Variants in ARHGAP22 observed in about 807,000 individuals in gnomAD.
The protein encoded by ARHGAP22 is rho GTPase-activating protein 22.
A neutral mutation model predicts 59.1 loss-of-function variants in ARHGAP22; 48 were observed. The ratio of observed to expected loss-of-function variants is 0.81; its 90% CI spans 0.64 to 1.03. The LOEUF is 1.03. Ranked by LOEUF, ARHGAP22 falls within the 50% of genes least tolerant of loss-of-function variation. ARHGAP22 has a pLI of 0.00. For missense variants in ARHGAP22, 1,015 were observed against 958.7 expected (o/e 1.06, Z -0.78); for synonymous variants, 445 against 416.4 (o/e 1.07, Z -0.84).
chr10:48,568,677 C>T (rs1353980681), intron 2 of ARHGAP22, among the ~76,000 whole-genome samples: 5 of 152,212 alleles, frequency 3.3e-5, no homozygotes, highest in Admixed American at 1.3e-4. Context: ...TCACCGTCTC[C>T]GCTGCTCTTC....
At chr10:48,466,647 G>C (rs2047732853) in intron 4 of ARHGAP22, 1 of 138,938 alleles carries the variant, frequency 7.2e-6, no homozygotes, top group African/African-American at 2.6e-5. Context: ...TCCCGGAGTA[G>C]GCCCGCGCGG....
intron 1 of ARHGAP22, among the ~76,000 whole-genome samples, chr10:48,642,647 C>T (rs945458609): frequency 6.6e-6 from 1 of 152,124 alleles, no homozygotes; most frequent in African/African-American, 2.4e-5. Flanking sequence ...AGAAGAAAAC[C>T]TAGGCAATAC....
chr10:48,459,560 A>G (rs2046934627), intron 5 of ARHGAP22, 124 bp downstream of exon 5: 8 of 1,111,314 alleles, frequency 7.2e-6, no homozygotes, highest in Middle Eastern at 2.0e-4. Flanking sequence ...TCTGCCCACT[A>G]GGAGGGCTGG....
intron 3 of ARHGAP22, among the ~76,000 whole-genome samples, chr10:48,485,956 G>A (rs549213908): frequency 6.6e-6 from 1 of 152,240 alleles, no homozygotes; most frequent in South Asian, 2.1e-4. Context: ...TATTTATAAT[G>A]TGATTATTGG....
At chr10:48,634,512 C>T (rs987386457) in intron 1 of ARHGAP22, among the ~76,000 whole-genome samples, 2 of 152,172 alleles carry the variant, frequency 1.3e-5, no homozygotes, top group Admixed American at 6.5e-5. Flanking sequence ...TAAGAAGAGC[C>T]GCTGACTCAG....
intron 1 of ARHGAP22, among the ~76,000 whole-genome samples, chr10:48,598,816 G>A (rs1339942615): frequency 6.6e-6 from 1 of 152,134 alleles, no homozygotes; most frequent in African/African-American, 2.4e-5. Context: ...TGCCACCTCT[G>A]GGCCTTAGCA....
chr10:48,597,508 G>A (rs11101396), intron 1 of ARHGAP22, among the ~76,000 whole-genome samples: 17,784 of 152,146 alleles, frequency 0.12, 3,464 homozygotes, highest in African/African-American at 0.4. Flanking sequence ...TCAGGTTTCT[G>A]TCTATAAATG....
At chr10:48,528,317 G>A (rs973336113) in intron 3 of ARHGAP22, among the ~76,000 whole-genome samples, 2 of 152,162 alleles carry the variant, frequency 1.3e-5, no homozygotes, top group African/African-American at 4.8e-5. Context: ...TCAGAGGAAG[G>A]GAATAAATGG....
chr10:48,600,235 T>A (rs989113804), intron 1 of ARHGAP22, among the ~76,000 whole-genome samples: 1 of 152,202 alleles, frequency 6.6e-6, no homozygotes, highest in Non-Finnish European at 1.5e-5. Context: ...GTGGAAGGAC[T>A]GTTTGTGGCC....
At chr10:48,597,011 C>T (rs2060107194) in intron 1 of ARHGAP22, among the ~76,000 whole-genome samples, 1 of 152,196 alleles carries the variant, frequency 6.6e-6, no homozygotes, top group South Asian at 2.1e-4. Context: ...TGAATCCTGA[C>T]TCACTTTTGA....
rs192926994 is a variant in ARHGAP22, at chr10:48,610,816, G to A, written c.53-27664C>T. Reference sequence around the variant, plus strand: ...GGACTTGTGCAGTCATTGGCTTGGAGCCACCCAAGAAGGGAGTGAAGTTGG... The same window carrying A: ...GGACTTGTGCAGTCATTGGCTTGGAACCACCCAAGAAGGGAGTGAAGTTGG... On this transcript the variant is annotated intron_variant, in intron 1 of 9. Transcript: ENST00000435790. Among the ~76,000 whole-genome samples the A allele has an allele frequency of 3.3e-5, 5 of 152,244 alleles. No individual in the cohort carries two copies. In the East Asian group the frequency reaches 9.7e-4, roughly 29 times the overall value.
chr10:48,470,113 G>A lies in ARHGAP22; in HGVS notation c.451+9523C>T, dbSNP rs558103237. 2.0e-5 allele frequency among the ~76,000 whole-genome samples: 3 copies of A among 152,352 alleles called. No homozygotes were observed. The South Asian group carries it at 6.2e-4, about 32-fold the overall frequency. On this transcript the variant is annotated intron_variant, in intron 4 of 9. Coordinates refer to ENST00000249601, the MANE Select transcript of ARHGAP22 (RefSeq NM_021226.4). Reference sequence around the variant, plus strand: ...GTTCATCCCCATCTTATCAATAATGGAGACAAACTCTTTTCTGGTTCTGTG... The same window carrying A: ...GTTCATCCCCATCTTATCAATAATGAAGACAAACTCTTTTCTGGTTCTGTG...
intron 1 of ARHGAP22, among the ~76,000 whole-genome samples, chr10:48,602,965 C>T (rs1454982025): frequency 1.3e-5 from 2 of 152,184 alleles, no homozygotes; most frequent in African/African-American, 4.8e-5. Context: ...CATGTGCACA[C>T]ACATACAGGC....
upstream of ARHGAP22, among the ~76,000 whole-genome samples, chr10:48,605,951 C>G (rs968987322): frequency 2.6e-5 from 4 of 152,208 alleles, no homozygotes; most frequent in Non-Finnish European, 5.9e-5. Context: ...AGCCTCTCCA[C>G]CCTATTCCCA....
chr10:48,640,867 T>C (rs375064680), intron 1 of ARHGAP22, among the ~76,000 whole-genome samples: 8 of 152,292 alleles, frequency 5.3e-5, no homozygotes, highest in African/African-American at 1.9e-4. Flanking sequence ...TTTAAAGACA[T>C]AGTATGTATA....
At chr10:48,561,979 C>A (rs536232645) in intron 2 of ARHGAP22, among the ~76,000 whole-genome samples, 34 of 152,292 alleles carry the variant, frequency 2.2e-4, no homozygotes, top group African/African-American at 7.7e-4. Context: ...GTAATCCCAG[C>A]ACTTTGGGGG....
chr10:48,624,620 T>G (rs2061386102), intron 1 of ARHGAP22, among the ~76,000 whole-genome samples: 1 of 152,190 alleles, frequency 6.6e-6, no homozygotes, highest in African/African-American at 2.4e-5. Context: ...TGTTTTCTCT[T>G]TTGGAAATTG....
the ARHGAP22 span, among the ~76,000 whole-genome samples, chr10:48,439,720 GT>G: frequency 1.3e-5 from 2 of 152,198 alleles, no homozygotes; most frequent in African/African-American, 2.4e-5. Context: ...AGCTTTGACT[GT>G]TTCCAACTTT....
intron 3 of ARHGAP22, among the ~76,000 whole-genome samples, chr10:48,509,321 C>T (rs1277233312): frequency 6.6e-6 from 1 of 152,178 alleles, no homozygotes; most frequent in Admixed American, 6.5e-5. Context: ...ACAGGGAGGA[C>T]ACCAACATCC....
Sources: allele counts gnomAD v4.1 joint callset (sites outside exome capture counted in the v4.1 genomes callset), GRCh38; gene constraint gnomAD v4.1.1; transcripts MANE v1.5; gene names NCBI Gene and HGNC (gene_info 2026-07-23, HGNC 2026-07-21).